CHST11: variants seen among roughly 807,000 people sequenced by gnomAD.
CHST11 encodes the protein C4S-1.
A neutral mutation model predicts 30.4 loss-of-function variants in CHST11; 9 were observed. That is an observed-to-expected ratio of 0.30 (90% CI 0.18 to 0.52). The LOEUF (loss-of-function observed/expected upper bound fraction) is 0.52, where lower values mean the gene tolerates loss of function less well. CHST11 is among the 20% of genes least tolerant of loss of function. CHST11 has a pLI of 0.97. For synonymous variants in CHST11, 152 were observed against 187.8 expected (o/e 0.81, Z 1.56); for missense variants, 348 against 460.6 (o/e 0.76, Z 2.24).
intron 1 of CHST11, among the ~76,000 whole-genome samples, chr12:104,515,089 G>C (rs1183923771): frequency 6.6e-6 from 1 of 152,062 alleles, no homozygotes; most frequent in Non-Finnish European, 1.5e-5. Flanking sequence ...TATAGCCTGT[G>C]AGCTAAGAAT....
chr12:104,693,844 C>G (rs756521921), intron 2 of CHST11, among the ~76,000 whole-genome samples: 5 of 152,144 alleles, frequency 3.3e-5, no homozygotes, highest in Non-Finnish European at 5.9e-5. Context: ...CTCGGGCACA[C>G]CCCTACTCTC....
At chr12:104,471,634 C>T (rs1472150421) in intron 1 of CHST11, among the ~76,000 whole-genome samples, 1 of 152,178 alleles carries the variant, frequency 6.6e-6, no homozygotes, top group Non-Finnish European at 1.5e-5. Flanking sequence ...AGTGGAAATA[C>T]ACTGCTGCTG....
At chr12:104,697,739 C>T (rs2039959201) in intron 2 of CHST11, among the ~76,000 whole-genome samples, 3 of 152,218 alleles carry the variant, frequency 2.0e-5, no homozygotes, top group African/African-American at 7.2e-5. Flanking sequence ...TCAGAAGTGG[C>T]ATGACCTGCC....
In CHST11 at chr12:104,458,148, C is replaced by G. The variant is rs1276089330; in HGVS notation, c.118+619C>G. 6.6e-6 allele frequency among the ~76,000 whole-genome samples: 1 copy of G among 152,004 alleles called. No individual in the cohort carries two copies. The highest frequency in any genetic ancestry group is 2.1e-4 in the South Asian group (1 of 4,812). ...AGAGTGGTCGGGTGCCCAGCGTTGC[C>G]CCTCCACCACGCGCCGGCCGTTTGC... On this transcript the variant is annotated intron_variant, in intron 1 of 2. Transcript: ENST00000303694. This position sits in a 1 kb window ranked among gnomAD's most constrained non-coding sequence, Gnocchi z 5.7.
intron 1 of CHST11, among the ~76,000 whole-genome samples, chr12:104,469,437 G>A (rs1207441998): frequency 6.6e-6 from 1 of 152,148 alleles, no homozygotes; most frequent in Non-Finnish European, 1.5e-5. Context: ...AACAGGCACT[G>A]GTCAATGCCA....
intron 2 of CHST11, among the ~76,000 whole-genome samples, chr12:104,637,342 T>TGGGG (rs2039335012): frequency 1.2e-4 from 2 of 16,506 alleles, no homozygotes; most frequent in African/African-American, 2.8e-4. Flanking sequence ...AAAAGGGGGT[T>TGGGG]GGGGGAGGGG....
rs767267998 is a variant in CHST11 at position 104,670,540 on chromosome 12, TAC to T, written c.204+68558_204+68559del. On this transcript the variant is annotated intron_variant, in intron 2 of 2. Coordinates refer to ENST00000303694, the MANE Select transcript of CHST11 (RefSeq NM_018413.6). ...ATCCATACACACATGCACTCACACT[TAC>T]ACACACACTCCCACACATACACACC... Among the ~76,000 whole-genome samples the T allele has an allele frequency of 9.1e-3, 1,334 of 145,938 alleles. 14 individuals carry two copies. Among genetic ancestry groups the T allele is most frequent in the African/African-American group, 0.028 (1,083 of 38,374 alleles).
At chr12:104,708,835 C>T (rs1255403176) in intron 2 of CHST11, among the ~76,000 whole-genome samples, 9 of 152,226 alleles carry the variant, frequency 5.9e-5, no homozygotes, top group Non-Finnish European at 1.5e-5. Flanking sequence ...CCCTGTATTA[C>T]CTGCGATGCG....
chr12:104,623,585 C>G (rs2136062317), intron 2 of CHST11, among the ~76,000 whole-genome samples: 1 of 152,236 alleles, frequency 6.6e-6, no homozygotes, highest in Admixed American at 6.5e-5. Context: ...TGGCACATGC[C>G]TATAATCCCA....
chr12:104,649,113 G>C (rs1472770573), intron 2 of CHST11, among the ~76,000 whole-genome samples: 2 of 152,144 alleles, frequency 1.3e-5, no homozygotes, highest in African/African-American at 2.4e-5. Context: ...TCAGGGATGG[G>C]GGAAGCAGAG....
chr12:104,532,267 C>T (rs978630663), intron 1 of CHST11, among the ~76,000 whole-genome samples: 1 of 152,166 alleles, frequency 6.6e-6, no homozygotes, highest in Admixed American at 6.5e-5. Context: ...TCCCTTTTGA[C>T]TGGCAAAGTT....
rs552368282 is a variant in CHST11 at position 104,676,786 on chromosome 12, G to A, written c.204+74795G>A. Among the ~76,000 whole-genome samples the A allele has an allele frequency of 1.2e-4, 18 of 152,292 alleles. No homozygotes were observed. Among genetic ancestry groups the A allele is most frequent in the Admixed American group, 2.6e-4 (4 of 15,306 alleles). On this transcript the variant is annotated intron_variant, in intron 2 of 2. Transcript: ENST00000303694. This position sits in a 1 kb window ranked among gnomAD's most constrained non-coding sequence, Gnocchi z 4.4. ...CCACCTCAAGACCCTTCACTCTACC[G>A]CAGCTGCAAATTCTCCTTTTGCCAT... is the stretch of plus-strand genomic sequence containing the variant.
At chr12:104,716,513 T>G (rs1040928727) in intron 2 of CHST11, among the ~76,000 whole-genome samples, 1 of 152,382 alleles carries the variant, frequency 6.6e-6, no homozygotes, top group South Asian at 2.1e-4. Flanking sequence ...AGTGTTTCTA[T>G]GATCGTCTCG....
At chr12:104,662,719 G>A (rs2039608303) in intron 2 of CHST11, among the ~76,000 whole-genome samples, 1 of 152,168 alleles carries the variant, frequency 6.6e-6, no homozygotes. Context: ...GAAAACTGCT[G>A]ATATGGAATG....
At chr12:104,619,589 T>C (rs1238517275) in intron 2 of CHST11, among the ~76,000 whole-genome samples, 1 of 152,112 alleles carries the variant, frequency 6.6e-6, no homozygotes, top group Admixed American at 6.5e-5. Flanking sequence ...TCAGAATGAT[T>C]CGGGGTCTCT....
intron 1 of CHST11, among the ~76,000 whole-genome samples, chr12:104,511,093 A>G (rs750880098): frequency 6.6e-6 from 1 of 152,242 alleles, no homozygotes; most frequent in African/African-American, 2.4e-5. Flanking sequence ...ATTGAGAAAG[A>G]TAAGGTGGAC....
intron 1 of CHST11, among the ~76,000 whole-genome samples, chr12:104,568,223 G>A (rs1458716786): frequency 1.3e-5 from 2 of 152,156 alleles, no homozygotes; most frequent in Admixed American, 1.3e-4. Context: ...TGCTTTGCCT[G>A]GCGAGAGGAG....
intron 1 of CHST11, among the ~76,000 whole-genome samples, chr12:104,507,404 G>A (rs2037917622): frequency 1.3e-5 from 2 of 152,214 alleles, no homozygotes; most frequent in African/African-American, 4.8e-5. Context: ...ACATGAAAAT[G>A]GCTAAGAGCA....
chr12:104,531,647 A>G (rs2038186299), intron 1 of CHST11, among the ~76,000 whole-genome samples: 1 of 151,610 alleles, frequency 6.6e-6, no homozygotes. Flanking sequence ...CCTCTCATTC[A>G]TTTCTTCCCT....
Sources: gnomAD v4.1 joint callset for allele counts (sites outside exome capture counted in the v4.1 genomes callset) on GRCh38, gnomAD v4.1.1 for gene constraint, Gnocchi (gnomAD v3.1) non-coding constraint, MANE v1.5 for transcripts, NCBI Gene and HGNC (gene_info 2026-07-23, HGNC 2026-07-21) for gene names.